Variants in TTC7B observed in about 807,000 individuals in gnomAD.
The protein encoded by TTC7B is tetratricopeptide repeat domain 7B.
Under a neutral mutation model 106.8 loss-of-function variants are expected in TTC7B, and 28 were observed. The ratio of observed to expected loss-of-function variants is 0.26; its 90% CI spans 0.19 to 0.36. The LOEUF (loss-of-function observed/expected upper bound fraction) is 0.36, where lower values mean the gene tolerates loss of function less well. Among genes scored for constraint, TTC7B ranks in the 10% least tolerant of loss-of-function variants. The pLI is 1.00. For synonymous variants in TTC7B, 405 were observed against 430.6 expected, an observed-to-expected ratio of 0.94 and a Z score of 0.74; for missense variants, 862 against 1,076.4, an observed-to-expected ratio of 0.80 and a Z score of 2.79.
In TTC7B at chr14:90,577,510, G is replaced by A. The variant is rs747836741; in HGVS notation, c.2310+596C>T. Among the ~76,000 whole-genome samples the A allele has an allele frequency of 6.6e-6, 1 of 152,194 alleles. No individual in the cohort carries two copies. The highest frequency in any genetic ancestry group is 1.5e-5 in the Non-Finnish European group (1 of 68,022). On this transcript the variant is annotated intron_variant, in intron 19 of 19. Coordinates refer to ENST00000328459, the MANE Select transcript of TTC7B (RefSeq NM_001010854.2). The surrounding 1 kb of genome is among the most constrained non-coding windows in gnomAD (Gnocchi z 5.0). ...GGCCCAGGCTGTAGACGAAGGATGT[G>A]CACTCGTTGAGCGCCGCCACACCCC...
At chr14:90,549,146 A>G (rs1185634683) in intron 19 of TTC7B, among the ~76,000 whole-genome samples, 2 of 147,650 alleles carry the variant, frequency 1.4e-5, no homozygotes, top group South Asian at 2.1e-4. Context: ...AAAAAAAAAG[A>G]TTTTCTTAGC....
chr14:90,771,902 T>C (rs1376637668), intron 3 of TTC7B, among the ~76,000 whole-genome samples: 1 of 146,786 alleles, frequency 6.8e-6, no homozygotes, highest in African/African-American at 2.5e-5. Flanking sequence ...TATATATGTA[T>C]ATATTTCTTT....
intron 5 of TTC7B, among the ~76,000 whole-genome samples, chr14:90,706,283 C>T (rs1888208909): frequency 6.6e-6 from 1 of 151,888 alleles, no homozygotes; most frequent in African/African-American, 2.4e-5. Context: ...CTGCCTCAGC[C>T]TCCTGAGTAG....
chr14:90,775,338 T>C (rs1006234787), intron 3 of TTC7B, among the ~76,000 whole-genome samples: 6 of 152,194 alleles, frequency 3.9e-5, no homozygotes, highest in African/African-American at 1.4e-4. Context: ...CACAACCCTG[T>C]AAGGTAGATA....
intron 19 of TTC7B, among the ~76,000 whole-genome samples, chr14:90,562,855 C>T (rs917367731): frequency 2.6e-5 from 4 of 152,164 alleles, no homozygotes; most frequent in Non-Finnish European, 5.9e-5. Context: ...TTGCCTATGT[C>T]AACTCCACCT....
chr14:90,730,782 A>G (rs1409392937), intron 4 of TTC7B, among the ~76,000 whole-genome samples: 2 of 152,202 alleles, frequency 1.3e-5, no homozygotes, highest in African/African-American at 4.8e-5. Flanking sequence ...TCTCAAAGGG[A>G]GAGCTGAGCA....
intron 17 of TTC7B, among the ~76,000 whole-genome samples, chr14:90,596,116 G>GTT (rs566496777): frequency 6.6e-6 from 1 of 151,904 alleles, no homozygotes. Context: ...GTAAAAACAT[G>GTT]TTTTTTTTAA....
rs1891368528 is a variant in TTC7B, at chr14:90,578,793, C to T, written c.2108-485G>A. ...CCAAGAAGTATGATGGGGCTGCAGG[C>T]TGCAGCTATCATGTTCACAGGCGTG... On this transcript the variant is annotated intron_variant, in intron 18 of 19. Transcript: ENST00000328459. The surrounding 1 kb of genome is among the most constrained non-coding windows in gnomAD (Gnocchi z 4.7). Among the ~76,000 whole-genome samples the T allele has an allele frequency of 6.6e-6, 1 of 152,106 alleles. No individual in the cohort carries two copies. Among genetic ancestry groups the T allele is most frequent in the Non-Finnish European group, 1.5e-5 (1 of 68,022 alleles).
intron 3 of TTC7B, among the ~76,000 whole-genome samples, chr14:90,778,704 T>C (rs1335761674): frequency 1.3e-5 from 2 of 152,166 alleles, no homozygotes; most frequent in East Asian, 3.8e-4. Flanking sequence ...CTCAGACAGA[T>C]GCAAACAAAG....
At chr14:90,750,616 C>T (rs1239764068) in intron 3 of TTC7B, among the ~76,000 whole-genome samples, 4 of 152,224 alleles carry the variant, frequency 2.6e-5, no homozygotes, top group Non-Finnish European at 4.4e-5. Context: ...TGAGGAGAAA[C>T]TAGTGTTTCC....
intron 3 of TTC7B, among the ~76,000 whole-genome samples, chr14:90,768,873 AT>A (rs1334848894): frequency 3.9e-5 from 6 of 152,212 alleles, no homozygotes; most frequent in Non-Finnish European, 8.8e-5. Context: ...AGAGACTAAT[AT>A]ATTTTTAAAA....
intron 17 of TTC7B, among the ~76,000 whole-genome samples, chr14:90,601,340 T>C (rs1374818750): frequency 6.6e-6 from 1 of 152,194 alleles, no homozygotes; most frequent in Non-Finnish European, 1.5e-5. Flanking sequence ...GATCATGATA[T>C]ACATTCTTGA....
chr14:90,761,488 T>C (rs1001902778), intron 3 of TTC7B, among the ~76,000 whole-genome samples: 1 of 152,134 alleles, frequency 6.6e-6, no homozygotes, highest in Non-Finnish European at 1.5e-5. Context: ...CAGCACCCAT[T>C]CCCTTGCCTG....
At chr14:90,611,035 C>T (rs1892851502) in intron 16 of TTC7B, among the ~76,000 whole-genome samples, 196 bp from the exon 17 acceptor site, 1 of 152,224 alleles carries the variant, frequency 6.6e-6, no homozygotes. Flanking sequence ...TGTTCACTAT[C>T]ACAAACAGGG....
At chr14:90,626,021 G>A (rs1022927130) in intron 15 of TTC7B, among the ~76,000 whole-genome samples, 1 of 152,154 alleles carries the variant, frequency 6.6e-6, no homozygotes, top group South Asian at 2.1e-4. Context: ...GAATCTCCAG[G>A]TTCTCCACTC....
intron 4 of TTC7B, among the ~76,000 whole-genome samples, chr14:90,735,385 T>C (rs1287889659): frequency 6.6e-6 from 1 of 151,672 alleles, no homozygotes; most frequent in Non-Finnish European, 1.5e-5. Context: ...TGTGTACCTG[T>C]AGTCCAAACT....
chr14:90,670,182 C>T (rs1365584535), intron 9 of TTC7B, among the ~76,000 whole-genome samples: 2 of 152,262 alleles, frequency 1.3e-5, no homozygotes, highest in East Asian at 3.9e-4. Flanking sequence ...CTGATTAATG[C>T]CATCAGATAT....
intron 4 of TTC7B, among the ~76,000 whole-genome samples, chr14:90,740,627 G>A (rs1200922145): frequency 4.1e-5 from 6 of 145,302 alleles, no homozygotes; most frequent in African/African-American, 1.0e-4. Flanking sequence ...TCAGTCTCCC[G>A]AGTAGCTGGT....
At chr14:90,544,617 C>T (rs558655559) in intron 19 of TTC7B, among the ~76,000 whole-genome samples, 9 of 152,282 alleles carry the variant, frequency 5.9e-5, no homozygotes, top group South Asian at 2.1e-4. Context: ...TTCAGTAGGA[C>T]GCGAGGCTGA....
Sources: allele counts gnomAD v4.1 joint callset (sites outside exome capture counted in the v4.1 genomes callset), GRCh38; gene constraint gnomAD v4.1.1; non-coding constraint Gnocchi (gnomAD v3.1); transcripts MANE v1.5; gene names NCBI Gene and HGNC (gene_info 2026-07-23, HGNC 2026-07-21).